Variants in DMP1 observed in about 807,000 individuals in gnomAD.
The protein encoded by DMP1 is dentin matrix protein 1.
DMP1 carries 20 observed loss-of-function variants against 14.6 expected under a neutral mutation model. The observed-to-expected ratio is 1.37, with a 90% CI of 0.96 to 1.99. The LOEUF (loss-of-function observed/expected upper bound fraction) is 1.99, where lower values mean the gene tolerates loss of function less well. DMP1 is among the 30% of genes most tolerant of loss of function. The probability of loss-of-function intolerance (pLI) is 0.00; values close to 1 mark genes in which losing one functional copy is unlikely to be tolerated. For synonymous variants in DMP1, 197 were observed against 215.3 expected (o/e 0.91, Z 0.75); for missense variants, 567 against 620.5 (o/e 0.91, Z 0.92).
At chr4:87,659,513 A>G (rs750842991) in intron 5 of DMP1, 35 bp downstream of exon 5, 1 of 1,589,510 alleles carries the variant, frequency 6.3e-7, no homozygotes, top group South Asian at 1.1e-5. Context: ...TTTTCAGGCT[A>G]CTTAGGAATG....
In DMP1 at chr4:87,662,218, G is replaced by A; in HGVS notation, c.440G>A (p.Ser147Asn). ...DEDSDDTIQA[S>N]EESAPQGQDS... ...GACTCTGATGACACCATACAAGCCA[G>A]TGAAGAGAGTGCCCCACAAGGGCAA... is the stretch of plus-strand genomic sequence containing the variant. The change falls in exon 6 of 6, where the codon AGT becomes AAT. Residue 147 changes from serine (S) to asparagine (N), a missense_variant. Coordinates refer to ENST00000339673, the MANE Select transcript of DMP1 (RefSeq NM_004407.4). The A allele has an allele frequency of 1.2e-6, 2 of 1,614,234 alleles. No individual in the cohort carries two copies. The highest frequency in any genetic ancestry group is 2.2e-5 in the East Asian group (1 of 44,880).
In DMP1 at chr4:87,663,257, T is replaced by C. The variant is rs1477971340; in HGVS notation, c.1479T>C (p.Val493=). Residue 493 remains valine (V), a synonymous_variant, in exon 6 of 6, where the codon GTT becomes GTC. Coordinates refer to ENST00000339673, the MANE Select transcript of DMP1 (RefSeq NM_004407.4). Reference sequence around the variant, plus strand: ...AGATAGAGAGCCGGAAATTAACAGTTGATGCCTATCACAACAAACCCATTG... The same window carrying C: ...AGATAGAGAGCCGGAAATTAACAGTCGATGCCTATCACAACAAACCCATTG... ...NIEIESRKLT[V]DAYHNKPIGD... is the part of the protein sequence containing the mutation. The C allele has an allele frequency of 6.2e-7, 1 of 1,614,134 alleles. No individual in the cohort carries two copies. The highest frequency in any genetic ancestry group is 8.5e-7 in the Non-Finnish European group (1 of 1,180,048).
chr4:87,654,770 G>C (rs146798803), intron 1 of DMP1, among the ~76,000 whole-genome samples: 3 of 152,306 alleles, frequency 2.0e-5, no homozygotes, highest in Admixed American at 2.0e-4. Context: ...CAGTGAATCT[G>C]CATTTCTACA....
intron 3 of DMP1, among the ~76,000 whole-genome samples, chr4:87,658,175 GTGCC>G (rs1221869479): frequency 1.3e-5 from 2 of 152,182 alleles, no homozygotes; most frequent in African/African-American, 2.4e-5. Context: ...GCCTGCCATT[GTGCC>G]TGCCTGCAGT....
intron 5 of DMP1, among the ~76,000 whole-genome samples, chr4:87,661,291 G>C (rs1400045819): frequency 1.4e-5 from 2 of 140,460 alleles, no homozygotes; most frequent in East Asian, 4.3e-4. Context: ...CGCAATCTCG[G>C]CTCACTGCAG....
intron 5 of DMP1, 30 bp from the exon 6 acceptor site, chr4:87,661,932 C>T (rs1728899316): frequency 1.9e-6 from 3 of 1,614,008 alleles, no homozygotes; most frequent in Non-Finnish European, 2.5e-6. Context: ...TCCTGGAATA[C>T]TGACCATATC....
At chr4:87,658,379 C>T (rs1316174096) in intron 3 of DMP1, among the ~76,000 whole-genome samples, 1 of 152,190 alleles carries the variant, frequency 6.6e-6, no homozygotes, top group African/African-American at 2.4e-5. Flanking sequence ...GGAGGGGTAC[C>T]AGAAGTTGCT....
Position 87,662,850 on chromosome 4 carries a change from G to A in DMP1, c.1072G>A (p.Glu358Lys), listed in dbSNP as rs941836381. ...SQENSSESQE[E>K]VVSESRGDNP... is the part of the protein sequence containing the mutation. ...AGAGAACAGCAGTGAGTCTCAGGAA[G>A]AGGTGGTGAGTGAGTCCAGGGGAGA... Residue 358 changes from glutamate to lysine, a missense_variant, in exon 6 of 6, where the codon GAG becomes AAG. Glu to Lys is a moderately conservative substitution (Grantham distance 56, BLOSUM62 1). Transcript: ENST00000339673. 9.3e-6 allele frequency: 15 copies of A among 1,613,560 alleles called. No individual in the cohort carries two copies. Among genetic ancestry groups the A allele is most frequent in the Non-Finnish European group, 1.3e-5 (15 of 1,179,466 alleles).
At chr4:87,655,067 T>G (rs182942191) in intron 1 of DMP1, among the ~76,000 whole-genome samples, 1 of 152,296 alleles carries the variant, frequency 6.6e-6, no homozygotes, top group East Asian at 1.9e-4. Flanking sequence ...AGTTCCTAGG[T>G]TGACTTTCCC....
At chr4:87,651,568 C>T (rs2627695) in intron 1 of DMP1, among the ~76,000 whole-genome samples, 1 of 151,698 alleles carries the variant, frequency 6.6e-6, no homozygotes, top group Non-Finnish European at 1.5e-5. Flanking sequence ...ATTATAAAAC[C>T]AACTTATTTT....
At chr4:87,658,558 G>T (rs1390241375) in intron 3 of DMP1, among the ~76,000 whole-genome samples, 7 of 152,176 alleles carry the variant, frequency 4.6e-5, no homozygotes, top group African/African-American at 1.7e-4. Flanking sequence ...AATTTTATAA[G>T]GTGGATGTTA....
At position 87,661,204 on chromosome 4, in the gene DMP1, A is replaced by ATTTTTTTTTT. The variant is rs70957272; in HGVS notation, c.184-731_184-722dup. On this transcript the variant is annotated intron_variant, in intron 5 of 5. Transcript: ENST00000339673. Reference sequence around the variant, plus strand: ...AGGTTTGTGGCACCACAGCCAGCTAATTTTTTTTTTTTTTTTTTTTTTTTT... The same window carrying ATTTTTTTTTT: ...AGGTTTGTGGCACCACAGCCAGCTAATTTTTTTTTTTTTTTTTTTTTTTTTTTTTTTTTTT... Among the ~76,000 whole-genome samples, 7 of 66,650 alleles carry ATTTTTTTTTT rather than the reference A, an allele frequency of 1.1e-4. 1 individual carries two copies. Among genetic ancestry groups the ATTTTTTTTTT allele is most frequent in the East Asian group, 3.7e-4 (1 of 2,704 alleles). 43.7% of individuals were successfully genotyped at this position (66,650 alleles called of 152,430 possible).
At chr4:87,652,359 T>C (rs1728549252) in intron 1 of DMP1, among the ~76,000 whole-genome samples, 1 of 152,174 alleles carries the variant, frequency 6.6e-6, no homozygotes, top group Non-Finnish European at 1.5e-5. Context: ...TGTTTGGAAA[T>C]GCACTTCACA....
At chr4:87,655,934 T>C (rs1487949220) in intron 1 of DMP1, among the ~76,000 whole-genome samples, 1 of 152,224 alleles carries the variant, frequency 6.6e-6, no homozygotes, top group Non-Finnish European at 1.5e-5. Flanking sequence ...AATTTATTTC[T>C]TAGGAGTGAG....
intron 1 of DMP1, among the ~76,000 whole-genome samples, chr4:87,652,045 T>C (rs1021585382): frequency 4.6e-4 from 70 of 152,286 alleles, no homozygotes; most frequent in African/African-American, 1.6e-3. Context: ...TTCTAAACAT[T>C]TGGCTCTTTT....
intron 1 of DMP1, among the ~76,000 whole-genome samples, chr4:87,653,386 GATATATATATATATATAT>G (rs57266829): frequency 0.029 from 1,659 of 57,776 alleles, 80 homozygotes; most frequent in Non-Finnish European, 0.045. Context: ...ATTATCGAGT[GATATATATATATATATAT>G]ATATATATAT....
In DMP1 at chr4:87,662,790, A is replaced by G. The variant is rs1372014676; in HGVS notation, c.1012A>G (p.Ser338Gly). The G allele has an allele frequency of 1.9e-6, 3 of 1,613,370 alleles. No homozygotes were observed. In the Admixed American group the frequency reaches 5.0e-5, roughly 27 times the overall value. ...EESQNVDGPSSESSQEANLSS... is the reference protein window; with the variant it reads ...EESQNVDGPSGESSQEANLSS... ...GAGCCAAAACGTAGATGGTCCCAGC[A>G]GTGAGTCCAGCCAAGAGGCCAACCT... Residue 338 changes from serine (S) to glycine (G), a missense_variant, in exon 6 of 6, where the codon AGT becomes GGT. Ser to Gly is a moderately conservative substitution (Grantham distance 56, BLOSUM62 0). Coordinates refer to ENST00000339673, the MANE Select transcript of DMP1 (RefSeq NM_004407.4).
rs984311812 is a variant in DMP1 at position 87,659,543 on chromosome 4, T to C, written c.183+65T>C. ...GGAATGGAAGGAAATGATGTTAGAT[T>C]AAATTACCTGGCGACAGTTCTAAAT... On this transcript the variant is annotated intron_variant, in intron 5 of 5. Coordinates refer to ENST00000339673, the MANE Select transcript of DMP1 (RefSeq NM_004407.4). 6.3e-6 allele frequency: 9 copies of C among 1,429,022 alleles called. No homozygotes were observed. The African/African-American group carries it at 7.0e-5, about 11-fold the overall frequency. 88.5% of individuals were successfully genotyped at this position (1,429,022 alleles called of 1,614,324 possible).
chr4:87,651,049 T>C (rs1239800558), intron 1 of DMP1, among the ~76,000 whole-genome samples: 2 of 152,184 alleles, frequency 1.3e-5, no homozygotes, highest in African/African-American at 4.8e-5. Flanking sequence ...AATGTCCATA[T>C]GTATTTTTAT....
Sources: allele counts gnomAD v4.1 joint callset (sites outside exome capture counted in the v4.1 genomes callset), GRCh38; gene constraint gnomAD v4.1.1; transcripts MANE v1.5; gene names NCBI Gene and HGNC (gene_info 2026-07-23, HGNC 2026-07-21).